PTCHD1: variants seen among roughly 807,000 people sequenced by gnomAD.
The protein encoded by PTCHD1 is patched domain-containing protein 1.
PTCHD1 carries 3 observed loss-of-function variants against 34.6 expected under a neutral mutation model. The observed-to-expected ratio is 0.09, with a 90% CI of 0.04 to 0.22. The LOEUF (loss-of-function observed/expected upper bound fraction) is 0.22, where lower values mean the gene tolerates loss of function less well. Among genes scored for constraint, PTCHD1 ranks in the 10% least tolerant of loss-of-function variants. The probability of loss-of-function intolerance (pLI) is 1.00; values close to 1 mark genes in which losing one functional copy is unlikely to be tolerated. For missense variants in PTCHD1, 504 were observed against 685.5 expected (o/e 0.74, Z 2.96); for synonymous variants, 305 against 283.1 (o/e 1.08, Z -0.77).
chrX:23,383,435 A>C (rs1353170053), intron 2 of PTCHD1, among the ~76,000 whole-genome samples: 1 of 111,632 alleles, frequency 9.0e-6, no homozygotes, highest in Non-Finnish European at 1.9e-5. Context: ...TAGAATGGAA[A>C]ATTTTAAGAT....
intron 1 of PTCHD1, among the ~76,000 whole-genome samples, chrX:23,342,300 ATATATATATATTT>A (rs1921350720): frequency 1.4e-4 from 2 of 14,782 alleles, no homozygotes; most frequent in Non-Finnish European, 2.4e-4. Flanking sequence ...ATATATATAT[ATATATATATATTT>A]TTTTTTTTTT....
At chrX:23,363,742 G>A (rs1171615615) in intron 1 of PTCHD1, among the ~76,000 whole-genome samples, 5 of 112,585 alleles carry the variant, frequency 4.4e-5, no homozygotes, top group East Asian at 2.8e-4. Context: ...CGTCGATCAC[G>A]CTGTGTGCTG....
At chrX:23,391,644 A>C (rs1442841855) in intron 2 of PTCHD1, among the ~76,000 whole-genome samples, 1 of 111,124 alleles carries the variant, frequency 9.0e-6, no homozygotes, top group Non-Finnish European at 1.9e-5. Flanking sequence ...CTAGTTGGCA[A>C]ATTTTAAATG....
At chrX:23,380,288 T>C (rs113984418) in intron 2 of PTCHD1, 37 bp downstream of exon 2, 2 of 1,154,860 alleles carry the variant, frequency 1.7e-6, no homozygotes, top group African/African-American at 1.8e-5. Flanking sequence ...TTCCGCCTGC[T>C]GGTGGTGTTG....
At chrX:23,355,970 A>G (rs1187872706) in intron 1 of PTCHD1, among the ~76,000 whole-genome samples, 1 of 112,471 alleles carries the variant, frequency 8.9e-6, no homozygotes, top group Non-Finnish European at 1.9e-5. Flanking sequence ...ATAAAAGTAT[A>G]TATACTTATT....
chrX:23,354,721 T>C (rs1921754370), intron 1 of PTCHD1, among the ~76,000 whole-genome samples: 1 of 108,067 alleles, frequency 9.3e-6, no homozygotes, highest in Non-Finnish European at 1.9e-5. Flanking sequence ...TACAGGCGCC[T>C]GCCACCACGC....
chrX:23,354,995 T>G (rs2146620235), intron 1 of PTCHD1, among the ~76,000 whole-genome samples: 1 of 103,425 alleles, frequency 9.7e-6, no homozygotes, highest in Admixed American at 1.0e-4. Flanking sequence ...TCGTTCATTT[T>G]GTGTAGGTTT....
At chrX:23,386,741 A>G (rs1466361772) in intron 2 of PTCHD1, among the ~76,000 whole-genome samples, 1 of 112,912 alleles carries the variant, frequency 8.9e-6, no homozygotes, top group African/African-American at 3.2e-5. Context: ...TAGTCTCTGA[A>G]TTTTTGAGAC....
chrX:23,391,398 A>G (rs986749799), intron 2 of PTCHD1, among the ~76,000 whole-genome samples: 1 of 111,315 alleles, frequency 9.0e-6, no homozygotes, highest in Non-Finnish European at 1.9e-5. Context: ...ATTGCAAGTC[A>G]TAAACCTTCA....
rs1250784028 is a variant in PTCHD1 at position 23,395,578 on chromosome X, A to G, written c.*1393A>G. The G allele has an allele frequency of 9.0e-6, 1 of 111,615 alleles. No homozygotes were observed. The highest frequency in any genetic ancestry group is 1.9e-5 in the Non-Finnish European group (1 of 53,081). The allele number at this position is 111,615 out of a possible 1,213,427, so 9.2% of individuals were successfully genotyped here. On this transcript the variant is annotated 3_prime_UTR_variant, in exon 3 of 3. Coordinates refer to ENST00000379361, the MANE Select transcript of PTCHD1 (RefSeq NM_173495.3). ...GGCCCTTCTGTAAATTAACAAGCCT[A>G]GATATTTATACTCTTGACTTCCAGT...
At chrX:23,343,497 T>C (rs775035930) in intron 1 of PTCHD1, among the ~76,000 whole-genome samples, 1 of 112,073 alleles carries the variant, frequency 8.9e-6, no homozygotes, top group South Asian at 3.8e-4. Context: ...ACACCCATAT[T>C]CAAATGTAAA....
Position 23,400,133 on chromosome X carries a change from T to A in PTCHD1, c.*5948T>A, listed in dbSNP as rs1923082537. On this transcript the variant is annotated 3_prime_UTR_variant, in exon 3 of 3. Transcript: ENST00000379361. ...GAGAGAATAAGTCTCATTCATCTCG[T>A]TAATATTTTTAGTGGGCAAAGAAGC... 1 of 111,901 alleles carries A rather than the reference T, an allele frequency of 8.9e-6. No homozygotes were observed. The highest frequency in any genetic ancestry group is 1.9e-5 in the Non-Finnish European group (1 of 53,241). 9.2% of individuals were successfully genotyped at this position (111,901 alleles called of 1,213,427 possible).
intron 1 of PTCHD1, among the ~76,000 whole-genome samples, chrX:23,377,047 C>G (rs373094437): frequency 8.9e-6 from 1 of 111,748 alleles, no homozygotes; most frequent in Non-Finnish European, 1.9e-5. Flanking sequence ...TTGGAAGATC[C>G]CTAAAGAGTT....
intron 1 of PTCHD1, among the ~76,000 whole-genome samples, chrX:23,362,103 T>C: frequency 8.9e-6 from 1 of 112,191 alleles, no homozygotes; most frequent in Non-Finnish European, 1.9e-5. Flanking sequence ...CATTTCAACC[T>C]TGGAGAATCT....
chrX:23,343,020 T>TCCTAGAG (rs1921382748), intron 1 of PTCHD1, among the ~76,000 whole-genome samples: 1 of 112,539 alleles, frequency 8.9e-6, no homozygotes, highest in African/African-American at 3.2e-5. Context: ...GCCAGATCTC[T>TCCTAGAG]CCTAGAGCCT....
At chrX:23,379,428 C>A (rs1485487433) in intron 1 of PTCHD1, among the ~76,000 whole-genome samples, 163 bp from the exon 2 acceptor site, 4 of 111,901 alleles carry the variant, frequency 3.6e-5, no homozygotes, top group Non-Finnish European at 7.5e-5. Context: ...ATTGCGAGAA[C>A]CACTGGTCAA....
Position 23,393,708 on chromosome X carries a change from A to G in PTCHD1, c.2190A>G (p.Thr730=). The change falls in exon 3 of 3, where the codon ACA becomes ACG. Residue 730 remains threonine, a synonymous_variant. Coordinates refer to ENST00000379361, the MANE Select transcript of PTCHD1 (RefSeq NM_173495.3). The part of the protein sequence containing the change: ...DSLINVWITL[T]VVSVEFGVIG... ...TGATTAACGTCTGGATCACTCTCACAGTTGTGTCCGTGGAGTTTGGAGTGA... is the reference window on the plus strand; with the variant it reads ...TGATTAACGTCTGGATCACTCTCACGGTTGTGTCCGTGGAGTTTGGAGTGA... 1.7e-6 allele frequency: 2 copies of G among 1,211,339 alleles called. No individual in the cohort carries two copies. The highest frequency in any genetic ancestry group is 2.2e-6 in the Non-Finnish European group (2 of 895,096).
At chrX:23,365,188 A>C (rs1922107493) in intron 1 of PTCHD1, among the ~76,000 whole-genome samples, 1 of 112,001 alleles carries the variant, frequency 8.9e-6, no homozygotes, top group African/African-American at 3.3e-5. Flanking sequence ...TACTGTGTTC[A>C]TCGTCATAAA....
chrX:23,393,701 C>T lies in PTCHD1; in HGVS notation c.2183C>T (p.Thr728Ile), dbSNP rs1261715910. The change falls in exon 3 of 3, where the codon ACT becomes ATT. Residue 728 changes from threonine to isoleucine, a missense_variant. Coordinates refer to ENST00000379361, the MANE Select transcript of PTCHD1 (RefSeq NM_173495.3). ...GATTCACTGATTAACGTCTGGATCA[C>T]TCTCACAGTTGTGTCCGTGGAGTTT... ...VADSLINVWI[T>I]LTVVSVEFGV... The T allele has an allele frequency of 2.5e-6, 3 of 1,210,028 alleles. No individual in the cohort carries two copies. Among genetic ancestry groups the T allele is most frequent in the African/African-American group, 3.5e-5 (2 of 57,260 alleles).
Sources: gnomAD v4.1 joint callset for allele counts (sites outside exome capture counted in the v4.1 genomes callset) on GRCh38, gnomAD v4.1.1 for gene constraint, MANE v1.5 for transcripts, NCBI Gene and HGNC (gene_info 2026-07-23, HGNC 2026-07-21) for gene names.